The following MAP2K5 variants were observed in gnomAD, a reference collection of about 807,000 sequenced individuals.
MAP2K5 encodes mitogen-activated protein kinase kinase 5.
MAP2K5 carries 49 observed loss-of-function variants against 83.1 expected under a neutral mutation model. The observed-to-expected ratio is 0.59, with a 90% CI of 0.47 to 0.75. MAP2K5 has a LOEUF of 0.75. Among genes scored for constraint, MAP2K5 ranks in the 30% least tolerant of loss-of-function variants. The pLI is 0.00. For synonymous variants in MAP2K5, 202 were observed against 191.8 expected (o/e 1.05, Z -0.44); for missense variants, 457 against 557.5 (o/e 0.82, Z 1.82).
In MAP2K5 at chr15:67,722,174, C is replaced by T. The variant is rs971838437; in HGVS notation, c.1045-5742C>T. ...TGTCACTTCATCAGTCTCTGTTACTCGCACTTATGCCCCTCCACAGGGGTT... is the reference window on the plus strand; with the variant it reads ...TGTCACTTCATCAGTCTCTGTTACTTGCACTTATGCCCCTCCACAGGGGTT... On this transcript the variant is annotated intron_variant, in intron 16 of 21. Transcript: ENST00000178640. The surrounding 1 kb of genome is among the most constrained non-coding windows in gnomAD (Gnocchi z 4.2). 1.3e-5 allele frequency among the ~76,000 whole-genome samples: 2 copies of T among 152,220 alleles called. No individual in the cohort carries two copies. Among genetic ancestry groups the T allele is most frequent in the East Asian group, 1.9e-4 (1 of 5,176 alleles).
chr15:67,611,638 G>A (rs1298865567), intron 8 of MAP2K5, among the ~76,000 whole-genome samples: 1 of 152,156 alleles, frequency 6.6e-6, no homozygotes, highest in Non-Finnish European at 1.5e-5. Context: ...ATCCTCATTT[G>A]ATTTATGAAG....
intron 17 of MAP2K5, among the ~76,000 whole-genome samples, chr15:67,734,480 T>G (rs1596878013): frequency 6.6e-6 from 1 of 152,212 alleles, no homozygotes; most frequent in East Asian, 1.9e-4. Context: ...GCATATGTTC[T>G]TAAAACTATT....
rs7183639 is a variant in MAP2K5 at position 67,758,439 on chromosome 15, A to G, written c.1134+9838A>G. ...AGCATTCTGTTCTTGGGAGATCACC[A>G]AGCACCTCATTCAAAACTATATTCA... On this transcript the variant is annotated intron_variant, in intron 19 of 21. Coordinates refer to ENST00000178640, the MANE Select transcript of MAP2K5 (RefSeq NM_145160.3). This position sits in a 1 kb window ranked among gnomAD's most constrained non-coding sequence, Gnocchi z 4.7. 0.89 allele frequency among the ~76,000 whole-genome samples: 135,097 copies of G among 152,036 alleles called. 60,112 individuals are homozygous for G. The highest frequency in any genetic ancestry group is 0.92 in the Middle Eastern group (271 of 294).
At chr15:67,752,677 CAA>C (rs201063917) in intron 19 of MAP2K5, among the ~76,000 whole-genome samples, 13 of 121,478 alleles carry the variant, frequency 1.1e-4, no homozygotes, top group Non-Finnish European at 8.7e-5. Context: ...GACACCCTCT[CAA>C]AAAAAAAAAA....
chr15:67,651,414 A>G lies in MAP2K5; in HGVS notation c.736+4945A>G, dbSNP rs79465101. On this transcript the variant is annotated intron_variant, in intron 11 of 21. Coordinates refer to ENST00000178640, the MANE Select transcript of MAP2K5 (RefSeq NM_145160.3). ...TCCACTTGTGTAGTTATTTTGAAAT[A>G]TACAATAAATTATTAATTGTGATCA... Among the ~76,000 whole-genome samples the G allele has an allele frequency of 2.6e-4, 39 of 152,332 alleles. No homozygotes were observed. The East Asian group carries it at 6.6e-3, about 26-fold the overall frequency.
intron 16 of MAP2K5, 123 bp downstream of exon 16, chr15:67,703,531 G>A: frequency 1.4e-6 from 1 of 724,516 alleles, no homozygotes; most frequent in Middle Eastern, 3.5e-4. Flanking sequence ...GATGTATACA[G>A]AGTTTGACCA....
intron 8 of MAP2K5, among the ~76,000 whole-genome samples, chr15:67,602,317 G>A (rs2085676629): frequency 6.6e-6 from 1 of 152,192 alleles, no homozygotes; most frequent in Non-Finnish European, 1.5e-5. Context: ...TTCCCTGGAG[G>A]GAGCACTTTT....
chr15:67,673,478 GA>G (rs1199656276), intron 13 of MAP2K5, among the ~76,000 whole-genome samples: 1 of 152,090 alleles, frequency 6.6e-6, no homozygotes, highest in East Asian at 1.9e-4. Context: ...TATTAAATGG[GA>G]AAAGAGAAAT....
intron 21 of MAP2K5, among the ~76,000 whole-genome samples, chr15:67,784,494 T>A (rs1194309647): frequency 6.6e-6 from 1 of 152,242 alleles, no homozygotes; most frequent in African/African-American, 2.4e-5. Context: ...TCCACCTTGA[T>A]GCCACAGGCT....
chr15:67,797,212 A>G (rs1051037321), intron 21 of MAP2K5, among the ~76,000 whole-genome samples: 2 of 152,196 alleles, frequency 1.3e-5, no homozygotes, highest in African/African-American at 2.4e-5. Flanking sequence ...CCTTGTTTTT[A>G]GATCTTAAAA....
rs939464152 is a variant in MAP2K5 at position 67,736,153 on chromosome 15, A to G, written c.1074+8208A>G. On this transcript the variant is annotated intron_variant, in intron 17 of 21. Transcript: ENST00000178640. The surrounding 1 kb of genome is among the most constrained non-coding windows in gnomAD (Gnocchi z 4.3). Reference sequence around the variant, plus strand: ...GGGAGCATGGTAGAGGAGGGAGGTAATGTGTCAGGATGGAGATGGCAAGTG... The same window carrying G: ...GGGAGCATGGTAGAGGAGGGAGGTAGTGTGTCAGGATGGAGATGGCAAGTG... Among the ~76,000 whole-genome samples, 3 of 152,182 alleles carry G rather than the reference A, an allele frequency of 2.0e-5. No homozygotes were observed. The South Asian group carries it at 6.2e-4, about 32-fold the overall frequency.
intron 19 of MAP2K5, among the ~76,000 whole-genome samples, chr15:67,766,340 G>A (rs2090041438): frequency 6.6e-6 from 1 of 152,206 alleles, no homozygotes; most frequent in Non-Finnish European, 1.5e-5. Context: ...AGCCCTTAAG[G>A]TGAGGTATGG....
At chr15:67,715,320 A>C (rs909224099) in intron 16 of MAP2K5, among the ~76,000 whole-genome samples, 2 of 152,136 alleles carry the variant, frequency 1.3e-5, no homozygotes, top group South Asian at 4.1e-4. Flanking sequence ...TGACTAGTTC[A>C]GTCCTTTGCA....
At chr15:67,589,522 A>G (rs897637486) in intron 6 of MAP2K5, among the ~76,000 whole-genome samples, 1 of 152,226 alleles carries the variant, frequency 6.6e-6, no homozygotes, top group South Asian at 2.1e-4. Context: ...CTTTCCATCT[A>G]TCTACTGCTG....
chr15:67,715,935 A>G (rs1263781534), intron 16 of MAP2K5, among the ~76,000 whole-genome samples: 4 of 152,238 alleles, frequency 2.6e-5, no homozygotes, highest in African/African-American at 7.2e-5. Context: ...CTGGGGACAC[A>G]TAAGTAGGGA....
rs921730426 is a variant in MAP2K5 at position 67,768,729 on chromosome 15, A to C, written c.1135-873A>C. 6.6e-6 allele frequency among the ~76,000 whole-genome samples: 1 copy of C among 152,198 alleles called. No individual in the cohort carries two copies. Among genetic ancestry groups the C allele is most frequent in the African/African-American group, 2.4e-5 (1 of 41,450 alleles). ...TACTTTATGTGGCTCTCTTGTTCCA[A>C]CTGTAGGTCTAATGAGATGACTGTT... is the stretch of plus-strand genomic sequence containing the variant. On this transcript the variant is annotated intron_variant, in intron 19 of 21. Transcript: ENST00000178640. This position sits in a 1 kb window ranked among gnomAD's most constrained non-coding sequence, Gnocchi z 4.0.
Position 67,790,962 on chromosome 15 carries a change from G to A in MAP2K5, c.1243-15684G>A, listed in dbSNP as rs1424838918. Among the ~76,000 whole-genome samples the A allele has an allele frequency of 1.3e-5, 2 of 152,214 alleles. No individual in the cohort carries two copies. Among genetic ancestry groups the A allele is most frequent in the Non-Finnish European group, 2.9e-5 (2 of 68,032 alleles). ...GACGAGTCAGAGCTAGGGGGAATAA[G>A]CTGTGTTGTAGAGAATGAAATCCAT... On this transcript the variant is annotated intron_variant, in intron 21 of 21. Coordinates refer to ENST00000178640, the MANE Select transcript of MAP2K5 (RefSeq NM_145160.3). This position sits in a 1 kb window ranked among gnomAD's most constrained non-coding sequence, Gnocchi z 4.6.
chr15:67,662,272 C>A (rs939103615), intron 12 of MAP2K5, among the ~76,000 whole-genome samples: 24 of 152,118 alleles, frequency 1.6e-4, no homozygotes, highest in African/African-American at 5.3e-4. Flanking sequence ...TCTCCCATTG[C>A]ATTTCTTATT....
intron 8 of MAP2K5, among the ~76,000 whole-genome samples, chr15:67,624,237 G>C (rs7167477): frequency 0.17 from 25,125 of 150,978 alleles, 2,993 homozygotes; most frequent in African/African-American, 0.33. Flanking sequence ...TACTCGGGAG[G>C]CTGAGGCAGG....
Sources: gnomAD v4.1 joint callset for allele counts (sites outside exome capture counted in the v4.1 genomes callset) on GRCh38, gnomAD v4.1.1 for gene constraint, Gnocchi (gnomAD v3.1) non-coding constraint, MANE v1.5 for transcripts, NCBI Gene and HGNC (gene_info 2026-07-23, HGNC 2026-07-21) for gene names.